The following PRC1 variants were observed in gnomAD, a reference collection of about 807,000 sequenced individuals.
PRC1 encodes protein regulator of cytokinesis 1, also known as anaphase spindle elongation 1 homolog.
In PRC1, 54 loss-of-function variants were observed where a neutral mutation model predicts 91.2. The observed-to-expected ratio is 0.59, with a 90% CI of 0.48 to 0.74. The LOEUF (loss-of-function observed/expected upper bound fraction) is 0.74, where lower values mean the gene tolerates loss of function less well. Among genes scored for constraint, PRC1 ranks in the 30% least tolerant of loss-of-function variants. PRC1 has a pLI of 0.00. For missense variants in PRC1, 727 were observed against 746.2 expected, an observed-to-expected ratio of 0.97 and a Z score of 0.30; for synonymous variants, 275 against 263.6, an observed-to-expected ratio of 1.04 and a Z score of -0.42.
At position 90,974,243 on chromosome 15, in the gene PRC1, G is replaced by C. The variant is rs2038451977; in HGVS notation, c.1354C>G (p.Leu452Val). ...EKERAKQERQ[L>V]KNKKQTETEM... Reference sequence around the variant, plus strand: ...GTCTCTGTCTGTTTTTTGTTCTTCAGTTGCTGTGTGAAAGTCAGAAGCAAC... The same window carrying C: ...GTCTCTGTCTGTTTTTTGTTCTTCACTTGCTGTGTGAAAGTCAGAAGCAAC... Residue 452 changes from leucine (L) to valine (V), a missense_variant, in exon 11 of 15, where the codon CTG (leucine) becomes GTG (valine). Coordinates refer to ENST00000394249, the MANE Select transcript of PRC1 (RefSeq NM_003981.4). This position sits in a 1 kb window ranked among gnomAD's most constrained non-coding sequence, Gnocchi z 4.6. 6.2e-7 allele frequency: 1 copy of C among 1,613,054 alleles called. No homozygotes were observed. The highest frequency in any genetic ancestry group is 1.7e-5 in the Admixed American group (1 of 60,016).
chr15:90,992,084 T>C (rs2151634236), intron 1 of PRC1, among the ~76,000 whole-genome samples: 1 of 152,292 alleles, frequency 6.6e-6, no homozygotes, highest in Non-Finnish European at 1.5e-5. Flanking sequence ...TCTACCTAGA[T>C]CTCTTTTCCC....
Position 90,984,216 on chromosome 15 carries a change from A to G in PRC1, c.145-76T>C. On this transcript the variant is annotated intron_variant, in intron 2 of 14. Transcript: ENST00000394249. The surrounding 1 kb of genome is among the most constrained non-coding windows in gnomAD (Gnocchi z 5.1). ...TCCCAACACCAATACCAAACTCCTC[A>G]AATTTCTTTTTTCTTTTTCTTTTTT... The G allele has an allele frequency of 6.5e-7, 1 of 1,544,852 alleles. No individual in the cohort carries two copies. Among genetic ancestry groups the G allele is most frequent in the South Asian group, 1.2e-5 (1 of 84,796 alleles).
chr15:90,978,829 T>G (rs529551027), intron 8 of PRC1, among the ~76,000 whole-genome samples: 1 of 145,870 alleles, frequency 6.9e-6, no homozygotes, highest in Admixed American at 6.9e-5. Context: ...GAAGATGAGG[T>G]CCACCCTTAG....
At chr15:90,979,429 G>T in intron 7 of PRC1, 135 bp from the exon 8 acceptor site, 1 of 1,022,180 alleles carries the variant, frequency 9.8e-7, no homozygotes, top group Non-Finnish European at 1.4e-6. Context: ...GCGTGTGTGT[G>T]TGTGTAATAG....
chr15:90,969,077 A>G lies in PRC1; in HGVS notation c.1791+2T>C. On this transcript the variant is annotated splice_donor_variant, in intron 14 of 14. Transcript: ENST00000394249. LOFTEE classifies it high-confidence loss of function. ...GGGACATGCAGGGATTGCCATACAGACCTGAAGCCCAACAGTGGAACTGTC... is the reference window on the plus strand; with the variant it reads ...GGGACATGCAGGGATTGCCATACAGGCCTGAAGCCCAACAGTGGAACTGTC... The G allele has an allele frequency of 6.2e-7, 1 of 1,614,126 alleles. No individual in the cohort carries two copies. Among genetic ancestry groups the G allele is most frequent in the Non-Finnish European group, 8.5e-7 (1 of 1,179,996 alleles).
chr15:90,968,847 A>AC (rs926602665), intron 14 of PRC1: 45 of 1,346,352 alleles, frequency 3.3e-5, no homozygotes, highest in Non-Finnish European at 4.3e-5. Context: ...GTGATTTAAA[A>AC]CTGTGCCTGA....
intron 3 of PRC1, among the ~76,000 whole-genome samples, chr15:90,983,374 G>A (rs1251396208): frequency 6.6e-6 from 1 of 152,088 alleles, no homozygotes; most frequent in African/African-American, 2.4e-5. Context: ...ATTTTTACTG[G>A]TTCTAAGCAG....
intron 1 of PRC1, among the ~76,000 whole-genome samples, chr15:90,986,895 A>G (rs1000648745): frequency 1.3e-5 from 2 of 150,878 alleles, no homozygotes; most frequent in Non-Finnish European, 3.0e-5. Flanking sequence ...AGAGGAAGGA[A>G]AAAAAAAACA....
At chr15:90,972,301 T>C (rs1013047820) in intron 11 of PRC1, among the ~76,000 whole-genome samples, 1 of 151,564 alleles carries the variant, frequency 6.6e-6, no homozygotes, top group African/African-American at 2.4e-5. Flanking sequence ...AGAGAATCAC[T>C]TGAGCCCAGG....
At position 90,980,247 on chromosome 15, in the gene PRC1, C is replaced by T. The variant is rs752242932; in HGVS notation, c.965G>A (p.Cys322Tyr). ...QEQRQAFAPF[C>Y]AEDYTESLLQ... is the part of the protein sequence containing the mutation. The stretch of plus-strand genomic sequence containing the variant: ...GACCTCACTCTTGTACTAACCAGCA[C>T]AGAAAGGGGCAAAAGCTTGTCTCTG... Residue 322 changes from cysteine to tyrosine, a missense_variant, in exon 7 of 15, where the codon TGT becomes TAT. Physicochemically the swap from Cys to Tyr is radical, Grantham distance 194. Transcript: ENST00000394249. 1 of 1,610,902 alleles carries T rather than the reference C, an allele frequency of 6.2e-7. No individual in the cohort carries two copies. The highest frequency in any genetic ancestry group is 8.5e-7 in the Non-Finnish European group (1 of 1,179,116).
chr15:90,969,493 C>T lies in PRC1; in HGVS notation c.1703G>A (p.Arg568His), dbSNP rs200736815. The T allele has an allele frequency of 1.2e-5, 19 of 1,611,084 alleles. No individual in the cohort carries two copies. Among genetic ancestry groups the T allele is most frequent in the South Asian group, 8.8e-5 (8 of 90,814 alleles). ...GGYPGSAPLQ[R>H]NFSINSVAST... ...GGCAACAGAATTAATGCTGAAGTTG[C>T]GCTGGAGGGGGGCCGAGCCAGGGTA... The change falls in exon 13 of 15, where the codon CGC (arginine) becomes CAC (histidine). Residue 568 changes from arginine to histidine, a missense_variant. Transcript: ENST00000394249.
At position 90,980,919 on chromosome 15, in the gene PRC1, T is replaced by G; in HGVS notation, c.787A>C (p.Ile263Leu). The change falls in exon 6 of 15, where the codon ATT becomes CTT. Residue 263 changes from isoleucine to leucine, a missense_variant. Coordinates refer to ENST00000394249, the MANE Select transcript of PRC1 (RefSeq NM_003981.4). ...PEEEREAVAT[I>L]MSGSKAKVRK... ...ACCTTGGCCTTTGACCCAGACATAA[T>G]GGTGGCCACAGCTTCTCTTTCTTCT... The G allele has an allele frequency of 6.2e-7, 1 of 1,614,202 alleles. No homozygotes were observed. The highest frequency in any genetic ancestry group is 8.5e-7 in the Non-Finnish European group (1 of 1,180,036).
Position 90,980,224 on chromosome 15 carries a change from C to T in PRC1, c.970+18G>A. The T allele has an allele frequency of 6.3e-7, 1 of 1,580,902 alleles. No homozygotes were observed. Among genetic ancestry groups the T allele is most frequent in the Non-Finnish European group, 8.6e-7 (1 of 1,166,636 alleles). ...TGTCTCCAAACAAACAAACCAAAGA[C>T]CTCACTCTTGTACTAACCAGCACAG... is the stretch of plus-strand genomic sequence containing the variant. On this transcript the variant is annotated intron_variant, in intron 7 of 14. Coordinates refer to ENST00000394249, the MANE Select transcript of PRC1 (RefSeq NM_003981.4).
chr15:90,976,568 A>C (rs2038720066), intron 9 of PRC1, 108 bp downstream of exon 9: 2 of 922,124 alleles, frequency 2.2e-6, no homozygotes, highest in Non-Finnish European at 3.4e-6. Flanking sequence ...ATCTCTGCCT[A>C]AGCTTTGAAG....
intron 9 of PRC1, among the ~76,000 whole-genome samples, chr15:90,975,960 C>T (rs1195410393): frequency 6.6e-6 from 1 of 152,154 alleles, no homozygotes; most frequent in East Asian, 1.9e-4. Flanking sequence ...ATTTACAAAG[C>T]CAAGGAGAAA....
At chr15:90,968,759 A>T (rs956530324) in intron 14 of PRC1, 25 of 1,170,224 alleles carry the variant, frequency 2.1e-5, no homozygotes, top group Admixed American at 3.8e-5. Context: ...TCCCCATGTG[A>T]TTGGGGGCCT....
chr15:90,981,931 T>C lies in PRC1; in HGVS notation c.318A>G (p.Gln106=), dbSNP rs745917665. 6.2e-7 allele frequency: 1 copy of C among 1,614,218 alleles called. No homozygotes were observed. The highest frequency in any genetic ancestry group is 2.2e-5 in the East Asian group (1 of 44,884). The change falls in exon 4 of 15, where the codon CAA becomes CAG. Residue 106 remains glutamine (Q), a synonymous_variant. Coordinates refer to ENST00000394249, the MANE Select transcript of PRC1 (RefSeq NM_003981.4). ...TTTTCTGTTTTCGCATCAATTCCAC[T>C]TGGGTGCGCAAATCTTTTTCTAGTT... The part of the protein sequence containing the change: ...ILQLEKDLRT[Q]VELMRKQKKE...
intron 12 of PRC1, among the ~76,000 whole-genome samples, 175 bp downstream of exon 12, chr15:90,970,229 G>T (rs192891583): frequency 6.6e-6 from 1 of 152,050 alleles, no homozygotes; most frequent in African/African-American, 2.4e-5. Flanking sequence ...CTCTTTTTTT[G>T]CACGTTAGTT....
intron 12 of PRC1, 140 bp from the exon 13 acceptor site, chr15:90,969,763 C>CATTATATATAT (rs2037910396): frequency 1.6e-5 from 2 of 126,770 alleles, no homozygotes; most frequent in Non-Finnish European, 3.6e-5. Context: ...AAAAAAAAAA[C>CATTATATATAT]ATATATATAT....
Sources: gnomAD v4.1 joint callset for allele counts (sites outside exome capture counted in the v4.1 genomes callset) on GRCh38, gnomAD v4.1.1 for gene constraint, Gnocchi (gnomAD v3.1) non-coding constraint, MANE v1.5 for transcripts, NCBI Gene and HGNC (gene_info 2026-07-23, HGNC 2026-07-21) for gene names.